Variants in MGMT observed in about 807,000 individuals in gnomAD.
MGMT encodes the protein methylated-DNA--protein-cysteine methyltransferase.
In MGMT, 14 loss-of-function variants were observed where a neutral mutation model predicts 15.9. That is an observed-to-expected ratio of 0.88 (90% CI 0.58 to 1.37). The LOEUF is 1.37. Among genes scored for constraint, MGMT ranks in the 40% most tolerant of loss-of-function variants. The pLI is 0.00. For missense variants in MGMT, 282 were observed against 268.1 expected (o/e 1.05, Z -0.36); for synonymous variants, 130 against 118.2 (o/e 1.10, Z -0.65).
At chr10:129,656,955 A>G (rs1223000095) in intron 2 of MGMT, among the ~76,000 whole-genome samples, 2 of 152,100 alleles carry the variant, frequency 1.3e-5, no homozygotes, top group East Asian at 3.9e-4. Flanking sequence ...AACCCAAAAG[A>G]ACTTCCACGC....
intron 2 of MGMT, among the ~76,000 whole-genome samples, chr10:129,591,215 T>C (rs1475934962): frequency 1.3e-5 from 2 of 152,210 alleles, no homozygotes; most frequent in Non-Finnish European, 2.9e-5. Flanking sequence ...ATATTGTCCA[T>C]TTTTAACTTT....
chr10:129,528,686 C>T (rs12260271), intron 1 of MGMT, among the ~76,000 whole-genome samples: 33,522 of 151,436 alleles, frequency 0.22, 4,285 homozygotes, highest in Non-Finnish European at 0.29. Context: ...TGGAGAGCTG[C>T]GGTGGTGGAG....
intron 2 of MGMT, among the ~76,000 whole-genome samples, chr10:129,640,132 C>A (rs1046601852): frequency 1.4e-5 from 2 of 147,250 alleles, no homozygotes; most frequent in African/African-American, 5.0e-5. Context: ...GAGTCTAGCT[C>A]TTTCTCCCAG....
At chr10:129,615,352 G>A (rs1016321813) in intron 2 of MGMT, among the ~76,000 whole-genome samples, 5 of 152,086 alleles carry the variant, frequency 3.3e-5, no homozygotes, top group Admixed American at 1.3e-4. Flanking sequence ...CAGGACCACG[G>A]CCTCGTTCTT....
chr10:129,597,712 T>G (rs943425643), intron 2 of MGMT, among the ~76,000 whole-genome samples: 2 of 152,088 alleles, frequency 1.3e-5, no homozygotes, highest in African/African-American at 4.8e-5. Flanking sequence ...GAGTGTGGTT[T>G]TTTCATTTTT....
chr10:129,607,778 A>G (rs1846909658), intron 2 of MGMT, among the ~76,000 whole-genome samples: 1 of 152,256 alleles, frequency 6.6e-6, no homozygotes, highest in South Asian at 2.1e-4. Flanking sequence ...GAAATGCAGA[A>G]TTAGAAATAT....
At chr10:129,693,508 G>A (rs549171877) in intron 2 of MGMT, among the ~76,000 whole-genome samples, 115 of 152,310 alleles carry the variant, frequency 7.6e-4, no homozygotes, top group Admixed American at 1.6e-3. Context: ...CTGCGGCAGG[G>A]TTTGCATGTC....
At chr10:129,504,034 G>A (rs1359600096) in intron 1 of MGMT, among the ~76,000 whole-genome samples, 1 of 152,142 alleles carries the variant, frequency 6.6e-6, no homozygotes, top group African/African-American at 2.4e-5. Context: ...CCCATAGTTC[G>A]TAATCTGCCT....
chr10:129,626,013 A>G (rs1847144492), intron 2 of MGMT, among the ~76,000 whole-genome samples: 1 of 152,196 alleles, frequency 6.6e-6, no homozygotes, highest in South Asian at 2.1e-4. Context: ...TCAGCTCGTG[A>G]TGGCGCAGAA....
At chr10:129,644,554 TC>T (rs11354974) in intron 2 of MGMT, among the ~76,000 whole-genome samples, 7,502 of 151,858 alleles carry the variant, frequency 0.049, 214 homozygotes, top group Middle Eastern at 0.088. Flanking sequence ...GTGCTTGGGT[TC>T]CCCCCCTGAG....
intron 2 of MGMT, among the ~76,000 whole-genome samples, chr10:129,598,430 T>C (rs983500127): frequency 1.7e-5 from 1 of 60,446 alleles, no homozygotes; most frequent in Non-Finnish European, 3.5e-5. Flanking sequence ...AGGCCTGGGG[T>C]GGGCCTGGCA....
intron 1 of MGMT, among the ~76,000 whole-genome samples, chr10:129,500,724 A>G (rs550284709): frequency 6.6e-6 from 1 of 152,020 alleles, no homozygotes; most frequent in East Asian, 1.9e-4. Context: ...TGATTTTTGT[A>G]TGTTTTTGTA....
At position 129,508,148 on chromosome 10, in the gene MGMT, G is replaced by A. The variant is rs920590812; in HGVS notation, c.-12-28093G>A. ...GTTCTCAGCCTGTAGGTCCTAGCCC[G>A]TAGGTAGACAGATGCTGTGGGGCAG... On this transcript the variant is annotated intron_variant, in intron 1 of 4. Transcript: ENST00000651593. Among the ~76,000 whole-genome samples the A allele has an allele frequency of 2.7e-4, 41 of 152,274 alleles. 1 individual carries two copies. The highest frequency in any genetic ancestry group is 9.1e-4 in the African/African-American group (38 of 41,544).
chr10:129,529,421 C>G (rs896529583), intron 1 of MGMT, among the ~76,000 whole-genome samples: 4 of 152,040 alleles, frequency 2.6e-5, no homozygotes, highest in East Asian at 3.9e-4. Flanking sequence ...TAGATCCCTC[C>G]CATGCACAGT....
chr10:129,654,974 C>T (rs1847507481), intron 2 of MGMT, among the ~76,000 whole-genome samples: 1 of 152,208 alleles, frequency 6.6e-6, no homozygotes, highest in African/African-American at 2.4e-5. Context: ...TTTGCAAATT[C>T]CTTGCATCTA....
chr10:129,766,691 G>A, intron 4 of MGMT, 97 bp from the exon 5 acceptor site: 1 of 1,120,314 alleles, frequency 8.9e-7, no homozygotes, highest in Non-Finnish European at 1.3e-6. Flanking sequence ...CCTGCTTGGT[G>A]GGCACAGGAC....
rs1848955034 is a variant in MGMT, at chr10:129,767,670, T to G, written c.*673T>G. The stretch of plus-strand genomic sequence containing the variant: ...ACGGGTTCGATGGAGCTTGCACCTC[T>G]CTGAGAGCTGAAGTCAAGTCTCACC... On this transcript the variant is annotated 3_prime_UTR_variant, in exon 5 of 5. Transcript: ENST00000651593. 1 of 152,314 alleles carries G rather than the reference T, an allele frequency of 6.6e-6. No individual in the cohort carries two copies. Among genetic ancestry groups the G allele is most frequent in the African/African-American group, 2.4e-5 (1 of 41,468 alleles). The allele number at this position is 152,314 out of a possible 1,614,324, so 9.4% of individuals were successfully genotyped here.
intron 2 of MGMT, among the ~76,000 whole-genome samples, chr10:129,609,614 A>G (rs1383869170): frequency 6.6e-6 from 1 of 152,222 alleles, no homozygotes; most frequent in African/African-American, 2.4e-5. Context: ...AGATGATGAA[A>G]TGAGCACCTG....
intron 1 of MGMT, among the ~76,000 whole-genome samples, chr10:129,526,381 G>A (rs1845870683): frequency 6.6e-6 from 1 of 152,080 alleles, no homozygotes; most frequent in Non-Finnish European, 1.5e-5. Context: ...GGGAGGTTGT[G>A]AGGCAGTCAG....
Sources: allele counts gnomAD v4.1 joint callset (sites outside exome capture counted in the v4.1 genomes callset), GRCh38; gene constraint gnomAD v4.1.1; transcripts MANE v1.5; gene names NCBI Gene and HGNC (gene_info 2026-07-23, HGNC 2026-07-21).